The following FAF1 variants were observed in gnomAD, a reference collection of about 807,000 sequenced individuals.
FAF1 encodes Fas associated factor 1.
In FAF1, 25 loss-of-function variants were observed where a neutral mutation model predicts 92.5. The observed-to-expected ratio is 0.27, with a 90% CI of 0.20 to 0.38. The LOEUF is 0.38. Among genes scored for constraint, FAF1 ranks in the 10% least tolerant of loss-of-function variants. The pLI is 1.00. For synonymous variants in FAF1, 234 were observed against 273.2 expected (o/e 0.86, Z 1.42); for missense variants, 636 against 793.3 (o/e 0.80, Z 2.38).
intron 6 of FAF1, among the ~76,000 whole-genome samples, chr1:50,712,010 T>C (rs2124436415): frequency 6.6e-6 from 1 of 152,346 alleles, no homozygotes; most frequent in African/African-American, 2.4e-5. Flanking sequence ...ATGAGGAAAC[T>C]GATGTTACTT....
At chr1:50,672,159 C>T (rs577305414) in intron 7 of FAF1, among the ~76,000 whole-genome samples, 1 of 152,160 alleles carries the variant, frequency 6.6e-6, no homozygotes, top group Non-Finnish European at 1.5e-5. Context: ...AATTCTCTGC[C>T]TCAGCCTCCC....
intron 15 of FAF1, among the ~76,000 whole-genome samples, chr1:50,527,842 T>C (rs984354216): frequency 1.2e-4 from 6 of 51,460 alleles, no homozygotes; most frequent in African/African-American, 3.1e-4. Flanking sequence ...TCTCTCTCTC[T>C]CCCTCTCTCC....
At chr1:50,753,977 C>A (rs1205755540) in intron 4 of FAF1, among the ~76,000 whole-genome samples, 2 of 151,920 alleles carry the variant, frequency 1.3e-5, no homozygotes, top group Non-Finnish European at 2.9e-5. Flanking sequence ...AGGCTGGTCT[C>A]GATCTCCTGA....
chr1:50,956,344 T>A (rs1645266505), intron 1 of FAF1, among the ~76,000 whole-genome samples: 1 of 152,172 alleles, frequency 6.6e-6, no homozygotes, highest in Non-Finnish European at 1.5e-5. Context: ...AGAATTCTTT[T>A]CTCTATTGAC....
At chr1:50,697,958 A>T (rs566642715) in intron 7 of FAF1, among the ~76,000 whole-genome samples, 1 of 152,346 alleles carries the variant, frequency 6.6e-6, no homozygotes, top group Non-Finnish European at 1.5e-5. Context: ...CACAAGACAC[A>T]TTAGACAAAA....
rs775415488 is a variant in FAF1, at chr1:50,539,576, G to C, written c.1405+16C>G. 2.4e-5 allele frequency: 39 copies of C among 1,602,358 alleles called. No individual in the cohort carries two copies. In the South Asian group the frequency reaches 3.6e-4, roughly 15 times the overall value. On this transcript the variant is annotated intron_variant, in intron 14 of 18. Coordinates refer to ENST00000396153, the MANE Select transcript of FAF1 (RefSeq NM_007051.3). ...ATACCAGGAAGGCTTTACTCTCCTT[G>C]TGACATGTACTTTACCTTGTATCAC...
At chr1:50,572,273 G>A (rs572123580) in intron 12 of FAF1, among the ~76,000 whole-genome samples, 2 of 152,192 alleles carry the variant, frequency 1.3e-5, no homozygotes, top group South Asian at 4.2e-4. Flanking sequence ...TGAAACATCT[G>A]AATGTTTGCA....
At chr1:50,837,461 G>T (rs2124640552) in intron 2 of FAF1, among the ~76,000 whole-genome samples, 1 of 152,168 alleles carries the variant, frequency 6.6e-6, no homozygotes, top group African/African-American at 2.4e-5. Flanking sequence ...CTCATGATTA[G>T]ATTCAGTTAA....
At chr1:50,563,744 G>A (rs1650039981) in intron 13 of FAF1, among the ~76,000 whole-genome samples, 1 of 152,190 alleles carries the variant, frequency 6.6e-6, no homozygotes, top group South Asian at 2.1e-4. Flanking sequence ...TAGCAGGGGA[G>A]ATGACAGACA....
At chr1:50,907,281 C>A (rs1345132396) in intron 1 of FAF1, among the ~76,000 whole-genome samples, 1 of 152,164 alleles carries the variant, frequency 6.6e-6, no homozygotes, top group Non-Finnish European at 1.5e-5. Flanking sequence ...ATTTGCTTTG[C>A]CAGTATTTTA....
chr1:50,621,261 G>A (rs948421134), intron 8 of FAF1, among the ~76,000 whole-genome samples: 4 of 152,178 alleles, frequency 2.6e-5, no homozygotes, highest in Non-Finnish European at 5.9e-5. Context: ...TGGCTGGGCT[G>A]CAAAGGGGGT....
rs117271353 is a variant in FAF1 at position 50,609,062 on chromosome 1, A to G, written c.745-12846T>C. Among the ~76,000 whole-genome samples the G allele has an allele frequency of 6.6e-5, 10 of 152,348 alleles. No homozygotes were observed. In the East Asian group the frequency reaches 1.9e-3, roughly 29 times the overall value. The stretch of plus-strand genomic sequence containing the variant: ...TATAAGTAGAGTGCAAAATACCATT[A>G]TCCACTCACTTAACTAATAGTTACT... On this transcript the variant is annotated intron_variant, in intron 8 of 18. Transcript: ENST00000396153.
chr1:50,558,850 A>C (rs1352938576), intron 13 of FAF1, among the ~76,000 whole-genome samples: 1 of 152,238 alleles, frequency 6.6e-6, no homozygotes, highest in South Asian at 2.1e-4. Flanking sequence ...GCAACCAGGC[A>C]GTTATAACTG....
chr1:50,490,609 T>G lies in FAF1; in HGVS notation c.1632A>C (p.Lys544Asn), dbSNP rs1646827654. The change falls in exon 17 of 19, where the codon AAA becomes AAC. Residue 544 changes from lysine (K) to asparagine (N), a missense_variant. Physicochemically the swap from Lys to Asn is moderately conservative, Grantham distance 94. Coordinates refer to ENST00000396153, the MANE Select transcript of FAF1 (RefSeq NM_007051.3). ...CCACCTCACGTTCCTCTTCTTGTTCTTTGCGAATCTGCTCCAAACGAAACT... is the reference window on the plus strand; with the variant it reads ...CCACCTCACGTTCCTCTTCTTGTTCGTTGCGAATCTGCTCCAAACGAAACT... ...AEQFRLEQIR[K>N]EQEEEREAIR... The G allele has an allele frequency of 6.2e-7, 1 of 1,612,764 alleles. No individual in the cohort carries two copies.
intron 17 of FAF1, 133 bp downstream of exon 17, chr1:50,490,441 AAGGAAGGAAGGAAG>A: frequency 3.5e-6 from 2 of 569,328 alleles, no homozygotes; most frequent in South Asian, 2.0e-5. Flanking sequence ...GGAAGGAAGG[AAGGAAGGAAGGAAG>A]GAAGGAAAAA....
intron 7 of FAF1, among the ~76,000 whole-genome samples, chr1:50,667,892 TC>T (rs1265719139): frequency 7.2e-5 from 11 of 152,184 alleles, no homozygotes; most frequent in African/African-American, 2.7e-4. Flanking sequence ...AATGACTATA[TC>T]CCTTCCCACT....
At position 50,699,632 on chromosome 1, in the gene FAF1, A is replaced by G. The variant is rs576877363; in HGVS notation, c.657+6154T>C. Among the ~76,000 whole-genome samples the G allele has an allele frequency of 2.3e-3, 343 of 152,302 alleles. 2 individuals carry two copies. Among genetic ancestry groups the G allele is most frequent in the African/African-American group, 7.6e-3 (316 of 41,576 alleles). ...AGTATATATTTTACTCAAAAAATAC[A>G]TAAGTAAGTCAGAAACCAAAAGCTA... On this transcript the variant is annotated intron_variant, in intron 7 of 18. Transcript: ENST00000396153.
chr1:50,547,010 A>G (rs1649050395), intron 13 of FAF1, among the ~76,000 whole-genome samples: 1 of 151,806 alleles, frequency 6.6e-6, no homozygotes, highest in Admixed American at 6.6e-5. Flanking sequence ...TACCTCAGCC[A>G]TTGGAGTAGC....
chr1:50,705,684 C>T (rs1657644976), intron 7 of FAF1, 102 bp downstream of exon 7: 2 of 583,282 alleles, frequency 3.4e-6, no homozygotes, highest in East Asian at 2.7e-5. Flanking sequence ...AATAATGAAA[C>T]ATAAAGAGAA....
Sources: allele counts gnomAD v4.1 joint callset (sites outside exome capture counted in the v4.1 genomes callset), GRCh38; gene constraint gnomAD v4.1.1; transcripts MANE v1.5; gene names NCBI Gene and HGNC (gene_info 2026-07-23, HGNC 2026-07-21).